SPATA16: variants seen among roughly 807,000 people sequenced by gnomAD.
SPATA16 encodes spermatogenesis-associated protein 16.
Under a neutral mutation model 63.3 loss-of-function variants are expected in SPATA16, and 36 were observed. The observed-to-expected ratio is 0.57, with a 90% CI of 0.44 to 0.75. The LOEUF (loss-of-function observed/expected upper bound fraction) is 0.75. SPATA16 is among the 30% of genes least tolerant of loss of function. SPATA16 has a pLI of 0.00. For synonymous variants in SPATA16, 203 were observed against 216.7 expected (o/e 0.94, Z 0.56); for missense variants, 646 against 679.3 (o/e 0.95, Z 0.54).
intron 2 of SPATA16, among the ~76,000 whole-genome samples, chr3:173,091,102 T>A (rs1737210986): frequency 6.6e-6 from 1 of 152,186 alleles, no homozygotes; most frequent in Admixed American, 6.5e-5. Context: ...CCACCATCAC[T>A]TCTGCACAAA....
At chr3:173,122,006 A>AT (rs1382438029) in intron 1 of SPATA16, among the ~76,000 whole-genome samples, 3 of 152,178 alleles carry the variant, frequency 2.0e-5, no homozygotes, top group African/African-American at 7.2e-5. Context: ...AAAATACTTA[A>AT]AAACTATTAG....
intron 1 of SPATA16, among the ~76,000 whole-genome samples, chr3:173,138,777 T>C (rs779488458): frequency 6.6e-6 from 1 of 152,248 alleles, no homozygotes; most frequent in African/African-American, 2.4e-5. Flanking sequence ...AGACGCTTTC[T>C]AACACCTATC....
intron 4 of SPATA16, among the ~76,000 whole-genome samples, chr3:173,015,902 G>C (rs1039498415): frequency 1.3e-5 from 2 of 152,002 alleles, no homozygotes; most frequent in Non-Finnish European, 2.9e-5. Flanking sequence ...GTAAGTATGA[G>C]TGCTGGAGGA....
intron 2 of SPATA16, among the ~76,000 whole-genome samples, chr3:173,063,720 A>G (rs902981335): frequency 3.0e-4 from 46 of 152,210 alleles, no homozygotes; most frequent in African/African-American, 1.1e-3. Flanking sequence ...CATTAATTAA[A>G]TGTTTTTCAT....
intron 3 of SPATA16, among the ~76,000 whole-genome samples, chr3:173,041,883 A>T (rs1016547395): frequency 6.6e-6 from 1 of 152,118 alleles, no homozygotes; most frequent in East Asian, 1.9e-4. Context: ...CAGCACACCA[A>T]CATGGCGCAT....
chr3:172,969,768 A>C (rs1012705775), intron 5 of SPATA16, among the ~76,000 whole-genome samples: 2 of 152,166 alleles, frequency 1.3e-5, no homozygotes, highest in African/African-American at 4.8e-5. Flanking sequence ...GGGCAGAAGA[A>C]TCTACCCTTT....
intron 3 of SPATA16, among the ~76,000 whole-genome samples, chr3:173,041,692 G>A (rs1196324063): frequency 2.0e-5 from 3 of 151,836 alleles, no homozygotes; most frequent in South Asian, 2.1e-4. Context: ...GTTCATCCGA[G>A]ATCATGACAA....
chr3:172,924,471 A>C (rs1732682724), intron 7 of SPATA16, among the ~76,000 whole-genome samples, 154 bp from the exon 8 acceptor site: 1 of 152,198 alleles, frequency 6.6e-6, no homozygotes, highest in African/African-American at 2.4e-5. Flanking sequence ...TATGTATAAC[A>C]AAGAAAGATC....
At position 173,019,497 on chromosome 3, in the gene SPATA16, T is replaced by G; in HGVS notation, c.837A>C (p.Ser279=). ...TAAAACAAACATACCGGGCAGCCTC[T>G]GAATACCTCTCCAGACATCTAAACA... The part of the protein sequence containing the change: ...ATVFRCLERY[S]EAARSAMIAD... The change falls in exon 4 of 11, where the codon TCA becomes TCC. Residue 279 remains serine (S), a synonymous_variant. Transcript: ENST00000351008. 6.2e-7 allele frequency: 1 copy of G among 1,614,016 alleles called. No individual in the cohort carries two copies.
At chr3:172,904,208 C>T (rs1732187260) in intron 10 of SPATA16, among the ~76,000 whole-genome samples, 1 of 152,166 alleles carries the variant, frequency 6.6e-6, no homozygotes, top group African/African-American at 2.4e-5. Context: ...ACTAAGACAT[C>T]AGGAATAATA....
intron 2 of SPATA16, among the ~76,000 whole-genome samples, chr3:173,066,343 G>A (rs1736520399): frequency 6.6e-6 from 1 of 152,186 alleles, no homozygotes; most frequent in Non-Finnish European, 1.5e-5. Flanking sequence ...CAGGCCTTGG[G>A]TGAGCCCCAG....
At chr3:173,049,452 C>G (rs1038122051) in intron 2 of SPATA16, among the ~76,000 whole-genome samples, 1 of 151,986 alleles carries the variant, frequency 6.6e-6, no homozygotes, top group Non-Finnish European at 1.5e-5. Context: ...CACACAATAA[C>G]CAAAGATATT....
intron 4 of SPATA16, among the ~76,000 whole-genome samples, chr3:172,992,329 G>C (rs1019335660): frequency 6.6e-6 from 1 of 152,032 alleles, no homozygotes; most frequent in Admixed American, 6.6e-5. Flanking sequence ...TAACAGCTGG[G>C]AAGTATTTTT....
chr3:173,074,951 T>C (rs73177033), intron 2 of SPATA16, among the ~76,000 whole-genome samples: 21,870 of 142,354 alleles, frequency 0.15, 1,829 homozygotes, highest in South Asian at 0.28. Flanking sequence ...TGAGCCAAGA[T>C]TGCACCATGC....
At position 173,034,857 on chromosome 3, in the gene SPATA16, A is replaced by G. The variant is rs9844805; in HGVS notation, c.758+14092T>C. Among the ~76,000 whole-genome samples the G allele has an allele frequency of 3.7e-3, 568 of 152,270 alleles. 6 individuals carry two copies. Among genetic ancestry groups the G allele is most frequent in the African/African-American group, 0.013 (547 of 41,560 alleles). On this transcript the variant is annotated intron_variant, in intron 3 of 10. Coordinates refer to ENST00000351008, the MANE Select transcript of SPATA16 (RefSeq NM_031955.6). ...GTGATTCCCATTAAGGAAATCTACTAATTAGTAATATTATAAATGAATGTA... is the reference window on the plus strand; with the variant it reads ...GTGATTCCCATTAAGGAAATCTACTGATTAGTAATATTATAAATGAATGTA...
intron 10 of SPATA16, among the ~76,000 whole-genome samples, chr3:172,892,709 G>A (rs909305844): frequency 6.6e-6 from 1 of 152,140 alleles, no homozygotes; most frequent in Non-Finnish European, 1.5e-5. Flanking sequence ...AGAAATTTCT[G>A]TAAAGCCCTT....
intron 5 of SPATA16, among the ~76,000 whole-genome samples, chr3:172,967,191 A>G (rs1377256794): frequency 6.6e-6 from 1 of 152,226 alleles, no homozygotes; most frequent in African/African-American, 2.4e-5. Flanking sequence ...CTAAGCGCAT[A>G]TCTTTCTCAA....
chr3:172,940,894 A>G (rs1577098219), intron 6 of SPATA16, among the ~76,000 whole-genome samples: 1 of 152,082 alleles, frequency 6.6e-6, no homozygotes, highest in South Asian at 2.1e-4. Flanking sequence ...GAGGCAGGAG[A>G]ATTGCTTGAA....
At chr3:172,926,537 A>C (rs548904985) in intron 6 of SPATA16, among the ~76,000 whole-genome samples, 1 of 152,240 alleles carries the variant, frequency 6.6e-6, no homozygotes, top group African/African-American at 2.4e-5. Flanking sequence ...CCAACAGCAC[A>C]GCTCCAAAGC....
Sources: gnomAD v4.1 joint callset for allele counts (sites outside exome capture counted in the v4.1 genomes callset) on GRCh38, gnomAD v4.1.1 for gene constraint, MANE v1.5 for transcripts, NCBI Gene and HGNC (gene_info 2026-07-23, HGNC 2026-07-21) for gene names.